Variants in GPM6A observed in about 807,000 individuals in gnomAD.
The protein encoded by GPM6A is glycoprotein M6A.
GPM6A carries 7 observed loss-of-function variants against 32.1 expected under a neutral mutation model. The ratio of observed to expected loss-of-function variants is 0.22; its 90% confidence interval spans 0.12 to 0.41. The LOEUF (loss-of-function observed/expected upper bound fraction) is 0.41, where lower values mean the gene tolerates loss of function less well. GPM6A is among the 10% of genes least tolerant of loss of function. The pLI, the probability that GPM6A is intolerant of heterozygous loss-of-function variation, is 1.00. For missense variants in GPM6A, 235 were observed against 347.2 expected, an observed-to-expected ratio of 0.68 and a Z score of 2.57; for synonymous variants, 130 against 123.4, an observed-to-expected ratio of 1.05 and a Z score of -0.35.
At chr4:175,668,995 C>T (rs371950152) in intron 3 of GPM6A, among the ~76,000 whole-genome samples, 3 of 152,098 alleles carry the variant, frequency 2.0e-5, no homozygotes, top group Non-Finnish European at 4.4e-5. Context: ...CCACCATGTA[C>T]CCCAGGCAAG....
intron 1 of GPM6A, among the ~76,000 whole-genome samples, chr4:175,733,128 TAA>T (rs911281600): frequency 6.6e-5 from 10 of 152,300 alleles, no homozygotes; most frequent in African/African-American, 2.4e-4. Context: ...CTGTTTTTTT[TAA>T]AGACAGTCCT....
At chr4:175,788,505 C>A (rs1001562675) in intron 1 of GPM6A, among the ~76,000 whole-genome samples, 5 of 152,020 alleles carry the variant, frequency 3.3e-5, no homozygotes, top group African/African-American at 1.2e-4. Flanking sequence ...ACTTGAAAAG[C>A]TTTAATCAAA....
intron 1 of GPM6A, among the ~76,000 whole-genome samples, chr4:175,841,570 T>C (rs1412250141): frequency 1.3e-5 from 2 of 152,216 alleles, no homozygotes; most frequent in Admixed American, 1.3e-4. Flanking sequence ...CTTGAAAATC[T>C]TATTTCCATG....
At chr4:175,758,502 C>T (rs905293967) in intron 1 of GPM6A, among the ~76,000 whole-genome samples, 1 of 152,144 alleles carries the variant, frequency 6.6e-6, no homozygotes, top group Non-Finnish European at 1.5e-5. Context: ...AGCTTTCTAA[C>T]TGTAATGCAC....
chr4:175,738,757 C>A (rs1393452070), intron 1 of GPM6A, among the ~76,000 whole-genome samples: 1 of 152,104 alleles, frequency 6.6e-6, no homozygotes, highest in Non-Finnish European at 1.5e-5. Flanking sequence ...ACAATGTGTT[C>A]ATACTGTAAA....
At chr4:175,719,816 T>A (rs1746022725) in intron 1 of GPM6A, among the ~76,000 whole-genome samples, 1 of 152,120 alleles carries the variant, frequency 6.6e-6, no homozygotes, top group Non-Finnish European at 1.5e-5. Context: ...ATTTTTTAAA[T>A]CAAAAGAATA....
intron 1 of GPM6A, among the ~76,000 whole-genome samples, chr4:175,867,357 T>G (rs983345663): frequency 6.6e-6 from 1 of 152,188 alleles, no homozygotes; most frequent in African/African-American, 2.4e-5. Context: ...TTTCTTCTCA[T>G]GTTATTTTCC....
intron 1 of GPM6A, among the ~76,000 whole-genome samples, chr4:175,895,923 T>C (rs1030167213): frequency 3.3e-5 from 5 of 152,214 alleles, no homozygotes; most frequent in Admixed American, 2.0e-4. Flanking sequence ...TATTTTATTA[T>C]GTTTTCTATT....
intron 2 of GPM6A, among the ~76,000 whole-genome samples, chr4:175,681,991 G>A (rs1743714215): frequency 6.6e-6 from 1 of 152,176 alleles, no homozygotes; most frequent in Non-Finnish European, 1.5e-5. Context: ...ACAGGAATAT[G>A]AGGGAAACTT....
chr4:176,000,656 T>C (rs759074541), intron 1 of GPM6A, among the ~76,000 whole-genome samples: 37 of 152,220 alleles, frequency 2.4e-4, no homozygotes, highest in Non-Finnish European at 1.9e-4. Flanking sequence ...ATAGACTACA[T>C]CAAGTCAATT....
chr4:175,656,996 A>G (rs968030162), intron 3 of GPM6A, among the ~76,000 whole-genome samples: 1 of 152,228 alleles, frequency 6.6e-6, no homozygotes, highest in Admixed American at 6.5e-5. Context: ...ATGTATCCAA[A>G]GTCTCTTTAT....
chr4:175,810,104 G>T (rs1419439009), intron 1 of GPM6A, among the ~76,000 whole-genome samples: 1 of 152,112 alleles, frequency 6.6e-6, no homozygotes, highest in Non-Finnish European at 1.5e-5. Context: ...AGATCATTAA[G>T]TCTCTCCACC....
intron 6 of GPM6A, among the ~76,000 whole-genome samples, chr4:175,636,377 C>T (rs1215493637): frequency 6.7e-6 from 1 of 148,422 alleles, no homozygotes; most frequent in Non-Finnish European, 1.5e-5. Flanking sequence ...ATATCAAGTG[C>T]TGTGGAGAGT....
chr4:175,877,718 CA>C (rs897233140), intron 1 of GPM6A, among the ~76,000 whole-genome samples: 1 of 152,142 alleles, frequency 6.6e-6, no homozygotes, highest in African/African-American at 2.4e-5. Flanking sequence ...GACACAGAGC[CA>C]AACCATATCA....
chr4:175,732,763 G>T (rs989078175), intron 1 of GPM6A, among the ~76,000 whole-genome samples: 4 of 152,040 alleles, frequency 2.6e-5, no homozygotes, highest in Non-Finnish European at 5.9e-5. Context: ...TACATTGAAG[G>T]TTATCATCAA....
Position 175,905,401 on chromosome 4 carries a change from A to G in GPM6A, c.-22-93152T>C, listed in dbSNP as rs139512826. Among the ~76,000 whole-genome samples the G allele has an allele frequency of 1.3e-3, 193 of 151,778 alleles. 1 individual carries two copies. Among genetic ancestry groups the G allele is most frequent in the African/African-American group, 4.3e-3 (177 of 41,380 alleles). Reference sequence around the variant, plus strand: ...TGTGATTTTTTTTTTCTCATCAGCTATTGTTAGTGTTAATGTTAGTGTATT... The same window carrying G: ...TGTGATTTTTTTTTTCTCATCAGCTGTTGTTAGTGTTAATGTTAGTGTATT... On this transcript the variant is annotated intron_variant, in intron 1 of 7. Transcript: ENST00000280187.
intron 1 of GPM6A, among the ~76,000 whole-genome samples, chr4:175,957,239 T>C (rs1740016003): frequency 6.6e-6 from 1 of 152,130 alleles, no homozygotes; most frequent in Admixed American, 6.6e-5. Context: ...TCAGTTCTTC[T>C]CCACCCACAC....
intron 1 of GPM6A, among the ~76,000 whole-genome samples, chr4:175,858,443 A>G (rs1450037486): frequency 3.9e-5 from 6 of 151,914 alleles, no homozygotes; most frequent in Admixed American, 1.3e-4. Context: ...GAGGCAGGAT[A>G]ATCGCTTGAA....
At chr4:175,990,296 A>T (rs2126458687) in intron 1 of GPM6A, among the ~76,000 whole-genome samples, 1 of 152,196 alleles carries the variant, frequency 6.6e-6, no homozygotes, top group East Asian at 1.9e-4. Context: ...GTCACAAACC[A>T]TCCAGCTGCT....
Sources: gnomAD v4.1 joint callset for allele counts (sites outside exome capture counted in the v4.1 genomes callset) on GRCh38, gnomAD v4.1.1 for gene constraint, MANE v1.5 for transcripts, NCBI Gene and HGNC (gene_info 2026-07-23, HGNC 2026-07-21) for gene names.